Variants in FARP1 observed in about 807,000 individuals in gnomAD.
FARP1 encodes FERM, ARHGEF and pleckstrin domain-containing protein 1.
FARP1 carries 52 observed loss-of-function variants against 128.8 expected under a neutral mutation model. The observed-to-expected ratio is 0.40, with a 90% confidence interval of 0.32 to 0.51. The LOEUF (loss-of-function observed/expected upper bound fraction) is 0.51, where lower values mean the gene tolerates loss of function less well. Ranked by LOEUF, FARP1 falls within the 20% of genes least tolerant of loss-of-function variation. The probability of loss-of-function intolerance (pLI) is 0.45; values close to 1 mark genes in which losing one functional copy is unlikely to be tolerated. For missense variants in FARP1, 1,333 were observed against 1,367.9 expected (o/e 0.97, Z 0.40); for synonymous variants, 580 against 551.8 (o/e 1.05, Z -0.72).
At chr13:98,150,345 T>C (rs1465860359) in intron 1 of FARP1, among the ~76,000 whole-genome samples, 1 of 152,216 alleles carries the variant, frequency 6.6e-6, no homozygotes, top group Admixed American at 6.5e-5. Flanking sequence ...TTTACTGTTT[T>C]TAATTTTTTT....
chr13:98,319,959 C>G (rs910213632), intron 2 of FARP1, among the ~76,000 whole-genome samples: 1 of 152,072 alleles, frequency 6.6e-6, no homozygotes, highest in Non-Finnish European at 1.5e-5. Context: ...CTTGAGGTAA[C>G]TTAAGCAGAA....
At chr13:98,277,871 G>A (rs1267987463) in intron 2 of FARP1, among the ~76,000 whole-genome samples, 11 of 152,184 alleles carry the variant, frequency 7.2e-5, no homozygotes, top group Non-Finnish European at 1.3e-4. Flanking sequence ...TTGGTTGGGC[G>A]GGGGCCTAGG....
intron 2 of FARP1, among the ~76,000 whole-genome samples, chr13:98,235,755 C>T (rs1310683685): frequency 2.0e-5 from 3 of 152,066 alleles, no homozygotes; most frequent in Non-Finnish European, 1.5e-5. Context: ...CCCTGCCAAC[C>T]ATCTAGGCTC....
intron 2 of FARP1, among the ~76,000 whole-genome samples, chr13:98,307,284 G>T (rs1480629664): frequency 6.6e-6 from 1 of 152,226 alleles, no homozygotes; most frequent in Non-Finnish European, 1.5e-5. Flanking sequence ...ATTAGGTTGA[G>T]AATTTTTTGA....
At chr13:98,422,042 G>A (rs1010757054) in intron 16 of FARP1, among the ~76,000 whole-genome samples, 25 of 152,114 alleles carry the variant, frequency 1.6e-4, no homozygotes, top group Admixed American at 1.6e-3. Flanking sequence ...CCGAAACCAC[G>A]GCAAATAGGA....
intron 2 of FARP1, among the ~76,000 whole-genome samples, chr13:98,239,896 C>T (rs1364141474): frequency 1.3e-5 from 2 of 152,036 alleles, no homozygotes; most frequent in Non-Finnish European, 2.9e-5. Flanking sequence ...TGTTTGCCTC[C>T]CAGCAGGTGA....
intron 21 of FARP1, among the ~76,000 whole-genome samples, chr13:98,439,499 G>C (rs749274156): frequency 8.5e-5 from 13 of 152,140 alleles, no homozygotes; most frequent in Non-Finnish European, 1.8e-4. Flanking sequence ...ACAAGGCCGC[G>C]TGGCATGAAC....
chr13:98,362,896 G>A (rs1366054598), intron 3 of FARP1, among the ~76,000 whole-genome samples: 2 of 152,170 alleles, frequency 1.3e-5, no homozygotes, highest in Non-Finnish European at 2.9e-5. Flanking sequence ...CCTGGGCATC[G>A]TATCCATCAG....
At chr13:98,213,546 GC>G (rs1240718045) in intron 2 of FARP1, 133 bp downstream of exon 2, 7 of 880,090 alleles carry the variant, frequency 8.0e-6, no homozygotes, top group African/African-American at 6.9e-5. Flanking sequence ...CTCCCTCCCC[GC>G]CCCCCAATGG....
chr13:98,249,662 C>G (rs1199515349), intron 2 of FARP1, among the ~76,000 whole-genome samples: 1 of 152,064 alleles, frequency 6.6e-6, no homozygotes, highest in African/African-American at 2.4e-5. Context: ...TCACTCAGGC[C>G]TATGTCTCGG....
intron 2 of FARP1, among the ~76,000 whole-genome samples, chr13:98,270,743 T>A (rs962843586): frequency 6.6e-6 from 1 of 152,338 alleles, no homozygotes; most frequent in East Asian, 1.9e-4. Context: ...TGAGAACAGA[T>A]TTCTTAGCCT....
chr13:98,215,814 C>T (rs1195474646), intron 2 of FARP1, among the ~76,000 whole-genome samples: 11 of 150,510 alleles, frequency 7.3e-5, no homozygotes, highest in East Asian at 1.9e-4. Context: ...TTTTTTGAGA[C>T]GGAGTCTTGC....
At chr13:98,275,397 A>C (rs1420259753) in intron 2 of FARP1, among the ~76,000 whole-genome samples, 1 of 39,914 alleles carries the variant, frequency 2.5e-5, no homozygotes, top group Non-Finnish European at 5.4e-5. Context: ...ATATATTCAT[A>C]TATATATATG....
rs571483988 is a variant in FARP1, at chr13:98,439,145, G to A, written c.2382G>A (p.Thr794=). The part of the protein sequence containing the change: ...DVLLYTSRGL[T]ASNQFKVHGQ... ...TGCTATACACGAGCCGGGGGCTGACGGCCTCCAATCAGTTTAAAGTCCACG... is the reference window on the plus strand; with the variant it reads ...TGCTATACACGAGCCGGGGGCTGACAGCCTCCAATCAGTTTAAAGTCCACG... Residue 794 remains threonine, a synonymous_variant, in exon 21 of 27, where the codon ACG becomes ACA. Coordinates refer to ENST00000319562, the MANE Select transcript of FARP1 (RefSeq NM_005766.4). 22 of 1,613,970 alleles carry A rather than the reference G, an allele frequency of 1.4e-5. No homozygotes were observed. In the Admixed American group the frequency reaches 2.3e-4, roughly 17 times the overall value.
intron 2 of FARP1, among the ~76,000 whole-genome samples, chr13:98,311,934 C>A (rs1886479447): frequency 6.6e-6 from 1 of 151,116 alleles, no homozygotes. Context: ...ACCTCCGCCT[C>A]CCAGGTTCAA....
At chr13:98,177,268 G>GTGCGTCACCCT (rs749660730) in intron 1 of FARP1, 8 of 1,506,922 alleles carry the variant, frequency 5.3e-6, no homozygotes, top group East Asian at 2.3e-5. Context: ...CGGCCGTGGC[G>GTGCGTCACCCT]TGCGTCACCC....
Position 98,439,978 on chromosome 13 carries a change from C to T in FARP1, c.2451C>T (p.Asp817=), listed in dbSNP as rs374756548. ...GCCCACAGATTGAGGAGAGCGAAGA[C>T]GAGTGGGGGGTGCCCCACTGCCTGA... ...LYGMTIEESE[D]EWGVPHCLTL... The change falls in exon 22 of 27, where the codon GAC becomes GAT. Residue 817 remains aspartate (D), a synonymous_variant. Coordinates refer to ENST00000319562, the MANE Select transcript of FARP1 (RefSeq NM_005766.4). The T allele has an allele frequency of 1.7e-5, 27 of 1,585,308 alleles. No individual in the cohort carries two copies. The highest frequency in any genetic ancestry group is 1.5e-4 in the Admixed American group (9 of 58,086).
intron 14 of FARP1, 144 bp downstream of exon 14, chr13:98,409,669 C>T (rs1891117428): frequency 3.1e-6 from 2 of 640,304 alleles, no homozygotes; most frequent in Non-Finnish European, 4.8e-6. Flanking sequence ...GCATTAAGTA[C>T]ATTCATGTTG....
At chr13:98,439,361 C>A (rs1317278821) in intron 21 of FARP1, among the ~76,000 whole-genome samples, 165 bp downstream of exon 21, 1 of 152,190 alleles carries the variant, frequency 6.6e-6, no homozygotes, top group Non-Finnish European at 1.5e-5. Flanking sequence ...GAAGACCATA[C>A]AACCCTTTCA....
Sources: allele counts gnomAD v4.1 joint callset (sites outside exome capture counted in the v4.1 genomes callset), GRCh38; gene constraint gnomAD v4.1.1; transcripts MANE v1.5; gene names NCBI Gene and HGNC (gene_info 2026-07-23, HGNC 2026-07-21).